The following PARP16 variants were observed in gnomAD, a reference collection of about 807,000 sequenced individuals.
PARP16 encodes poly(ADP-ribose) polymerase family member 16, also known as protein mono-ADP-ribosyltransferase PARP16.
A neutral mutation model predicts 35.0 loss-of-function variants in PARP16; 31 were observed. The ratio of observed to expected loss-of-function variants is 0.88; its 90% CI spans 0.66 to 1.19. The LOEUF (loss-of-function observed/expected upper bound fraction) is 1.19, where lower values mean the gene tolerates loss of function less well. Ranked by LOEUF, PARP16 falls within the 50% of genes most tolerant of loss-of-function variation. The pLI is 0.00. For synonymous variants in PARP16, 162 were observed against 169.5 expected, an observed-to-expected ratio of 0.96 and a Z score of 0.34; for missense variants, 424 against 411.2, an observed-to-expected ratio of 1.03 and a Z score of -0.27.
At chr15:65,239,135 A>T (rs1296454264) in intron 3 of PARP16, among the ~76,000 whole-genome samples, 3 of 151,926 alleles carry the variant, frequency 2.0e-5, no homozygotes, top group Non-Finnish European at 4.4e-5. Flanking sequence ...CGACTCAAAG[A>T]AAAAAAGGAA....
At chr15:65,248,785 G>A (rs186900154) in intron 2 of PARP16, among the ~76,000 whole-genome samples, 136 of 152,226 alleles carry the variant, frequency 8.9e-4, no homozygotes, top group African/African-American at 3.0e-3. Context: ...TGAAAAAGCC[G>A]GCTCTTCCTC....
intron 1 of PARP16, among the ~76,000 whole-genome samples, chr15:65,273,114 C>T (rs547947211): frequency 6.6e-6 from 1 of 151,822 alleles, no homozygotes; most frequent in Non-Finnish European, 1.5e-5. Flanking sequence ...CCCATCTCTA[C>T]TGAAAATACA....
chr15:65,273,657 T>C (rs561966558), intron 1 of PARP16, among the ~76,000 whole-genome samples: 12 of 151,924 alleles, frequency 7.9e-5, no homozygotes, highest in Middle Eastern at 3.4e-3. Flanking sequence ...GGTGGGCGGA[T>C]CACCTGAGGT....
intron 1 of PARP16, among the ~76,000 whole-genome samples, chr15:65,272,466 T>C (rs2090125334): frequency 6.6e-6 from 1 of 152,230 alleles, no homozygotes; most frequent in Non-Finnish European, 1.5e-5. Flanking sequence ...CTCTCCAGCA[T>C]GGCATTTAAA....
chr15:65,282,079 ACG>A (rs2090437226), intron 1 of PARP16, among the ~76,000 whole-genome samples: 1 of 152,150 alleles, frequency 6.6e-6, no homozygotes, highest in Non-Finnish European at 1.5e-5. Context: ...TGGCACAATC[ACG>A]GCCCACTACA....
intron 3 of PARP16, among the ~76,000 whole-genome samples, chr15:65,242,327 TA>T (rs34456766): frequency 6.6e-6 from 1 of 152,184 alleles, no homozygotes; most frequent in Non-Finnish European, 1.5e-5. Context: ...CATAATACTT[TA>T]AAAAATTGTT....
chr15:65,252,287 G>A (rs1286309616), intron 2 of PARP16, among the ~76,000 whole-genome samples: 2 of 152,096 alleles, frequency 1.3e-5, no homozygotes, highest in African/African-American at 4.8e-5. Context: ...AACAACAGAT[G>A]GACTTATCCA....
At chr15:65,250,635 C>T (rs893072579) in intron 2 of PARP16, among the ~76,000 whole-genome samples, 1 of 152,164 alleles carries the variant, frequency 6.6e-6, no homozygotes, top group African/African-American at 2.4e-5. Flanking sequence ...TTCCTTCCTC[C>T]CTTCTCCTAC....
chr15:65,273,034 C>T (rs1285249246), intron 1 of PARP16, among the ~76,000 whole-genome samples: 1 of 152,022 alleles, frequency 6.6e-6, no homozygotes, highest in East Asian at 1.9e-4. Context: ...AATCCCAGCA[C>T]TTTGGGAGGC....
intron 3 of PARP16, among the ~76,000 whole-genome samples, chr15:65,265,954 A>G (rs1207479081): frequency 6.6e-6 from 1 of 151,914 alleles, no homozygotes; most frequent in Non-Finnish European, 1.5e-5. Flanking sequence ...TTTGAGATGG[A>G]GTCTCACTCT....
chr15:65,243,866 C>G (rs1030085652), intron 3 of PARP16, among the ~76,000 whole-genome samples: 1 of 152,022 alleles, frequency 6.6e-6, no homozygotes, highest in South Asian at 2.1e-4. Flanking sequence ...ACTCCCAAGG[C>G]CCTGTCTCCT....
intron 3 of PARP16, among the ~76,000 whole-genome samples, chr15:65,243,510 C>T (rs1391744255): frequency 2.6e-5 from 4 of 152,160 alleles, no homozygotes; most frequent in African/African-American, 9.7e-5. Flanking sequence ...CTTGACCTCC[C>T]AAAGTGCTGG....
At chr15:65,279,849 A>G (rs571208058) in intron 1 of PARP16, among the ~76,000 whole-genome samples, 1 of 152,080 alleles carries the variant, frequency 6.6e-6, no homozygotes, top group South Asian at 2.1e-4. Context: ...AACCAATCAA[A>G]TGAGAATCTC....
At chr15:65,274,876 G>A (rs1008926831) in intron 1 of PARP16, among the ~76,000 whole-genome samples, 3 of 152,120 alleles carry the variant, frequency 2.0e-5, no homozygotes, top group African/African-American at 4.8e-5. Context: ...AGCACTTTGG[G>A]AGGCCGAGGC....
intron 3 of PARP16, among the ~76,000 whole-genome samples, chr15:65,247,493 C>A (rs1595989036): frequency 1.3e-5 from 2 of 152,192 alleles, no homozygotes; most frequent in Non-Finnish European, 2.9e-5. Flanking sequence ...GAATCAATCA[C>A]CCTCCTTCTG....
At chr15:65,243,784 C>A (rs1472921194) in intron 3 of PARP16, among the ~76,000 whole-genome samples, 1 of 151,834 alleles carries the variant, frequency 6.6e-6, no homozygotes, top group Admixed American at 6.6e-5. Context: ...CATATTTATT[C>A]TTGAATATGT....
At chr15:65,246,156 C>G (rs2140753393) in intron 3 of PARP16, among the ~76,000 whole-genome samples, 1 of 152,260 alleles carries the variant, frequency 6.6e-6, no homozygotes, top group South Asian at 2.1e-4. Flanking sequence ...CAGAGAATTT[C>G]CCAACTCAGC....
chr15:65,233,202 A>G (rs1595970855), downstream of PARP16, among the ~76,000 whole-genome samples: 1 of 151,566 alleles, frequency 6.6e-6, no homozygotes, highest in East Asian at 2.0e-4. Context: ...TCACCAGGTC[A>G]GGAGATTGAG....
chr15:65,284,337 C>CTTT (rs34254507), intron 1 of PARP16, among the ~76,000 whole-genome samples: 213 of 67,054 alleles, frequency 3.2e-3, no homozygotes, highest in African/African-American at 5.5e-3. Flanking sequence ...TTTCTTTCCT[C>CTTT]TTTTTTTTTT....
Sources: gnomAD v4.1 joint callset for allele counts (sites outside exome capture counted in the v4.1 genomes callset) on GRCh38, gnomAD v4.1.1 for gene constraint, MANE v1.5 for transcripts, NCBI Gene and HGNC (gene_info 2026-07-23, HGNC 2026-07-21) for gene names.